The following SOCS6 variants were observed in gnomAD, a reference collection of about 807,000 sequenced individuals.
The protein encoded by SOCS6 is suppressor of cytokine signaling 6, also known as STAT induced STAT inhibitor-4.
SOCS6 carries 5 observed loss-of-function variants against 27.7 expected under a neutral mutation model. The ratio of observed to expected loss-of-function variants is 0.18; its 90% CI spans 0.09 to 0.38. SOCS6 has a LOEUF of 0.38. SOCS6 is among the 10% of genes least tolerant of loss of function. The pLI, the probability that SOCS6 is intolerant of heterozygous loss-of-function variation, is 1.00. For synonymous variants in SOCS6, 271 were observed against 260.0 expected (o/e 1.04, Z -0.41); for missense variants, 595 against 688.1 (o/e 0.86, Z 1.51).
chr18:70,325,652 A>C lies in SOCS6; in HGVS notation c.984A>C (p.Gly328=). 4.3e-6 allele frequency: 7 copies of C among 1,614,160 alleles called. No homozygotes were observed. The highest frequency in any genetic ancestry group is 5.1e-6 in the Non-Finnish European group (6 of 1,180,016). The change falls in exon 2 of 2, where the codon GGA becomes GGC. Residue 328 remains glycine, a synonymous_variant. Coordinates refer to ENST00000397942, the MANE Select transcript of SOCS6 (RefSeq NM_004232.4). This position sits in a 1 kb window ranked among gnomAD's most constrained non-coding sequence, Gnocchi z 6.3. ...QNNQIQRNFS[G]LTGTEAHVAE... ...ATCAAATCCAAAGGAACTTCAGTGG[A>C]CTCACTGGCACAGAAGCCCACGTGG...
chr18:70,304,622 A>T (rs1376916659), intron 1 of SOCS6, among the ~76,000 whole-genome samples: 37 of 152,184 alleles, frequency 2.4e-4, no homozygotes. Context: ...TCTTTTGCTC[A>T]TTTAAAAAAT....
chr18:70,294,542 G>A, intron 1 of SOCS6, among the ~76,000 whole-genome samples: 1 of 152,126 alleles, frequency 6.6e-6, no homozygotes, highest in Non-Finnish European at 1.5e-5. Context: ...GTCAAAAGTA[G>A]TATTCTGATT....
chr18:70,297,598 C>A (rs775397913), intron 1 of SOCS6, among the ~76,000 whole-genome samples: 1 of 152,100 alleles, frequency 6.6e-6, no homozygotes, highest in Non-Finnish European at 1.5e-5. Flanking sequence ...ATCAAGAGAT[C>A]GCATCTTTGG....
At chr18:70,302,796 G>T (rs2062354180) in intron 1 of SOCS6, among the ~76,000 whole-genome samples, 1 of 151,936 alleles carries the variant, frequency 6.6e-6, no homozygotes, top group Admixed American at 6.6e-5. Context: ...AGTCAGATTT[G>T]CAAAAAGTTA....
chr18:70,328,815 T>G lies in SOCS6; in HGVS notation c.*2539T>G, dbSNP rs1465299021. On this transcript the variant is annotated 3_prime_UTR_variant, in exon 2 of 2. Coordinates refer to ENST00000397942, the MANE Select transcript of SOCS6 (RefSeq NM_004232.4). Reference sequence around the variant, plus strand: ...TTGGCTTTATATGATACTAACACAGTCCAGTTAAAAGTGGAAACAGGGAAA... The same window carrying G: ...TTGGCTTTATATGATACTAACACAGGCCAGTTAAAAGTGGAAACAGGGAAA... The G allele has an allele frequency of 1.2e-5, 2 of 167,022 alleles. No homozygotes were observed. The highest frequency in any genetic ancestry group is 6.5e-5 in the Admixed American group (1 of 15,268). The allele number at this position is 167,022 out of a possible 1,614,324, so 10.3% of individuals were successfully genotyped here. A position where few individuals can be genotyped will look rare whatever the true frequency, so the allele number is the denominator to read the frequency against.
intron 1 of SOCS6, among the ~76,000 whole-genome samples, chr18:70,317,203 CT>C (rs950422003): frequency 3.3e-5 from 5 of 152,170 alleles, no homozygotes; most frequent in African/African-American, 4.8e-5. Context: ...CCCTCACCCC[CT>C]CCCACACTTT....
In SOCS6 at chr18:70,325,487, A is replaced by G. The variant is rs768908452; in HGVS notation, c.819A>G (p.Leu273=). Residue 273 remains leucine (L), a synonymous_variant, in exon 2 of 2, where the codon CTA becomes CTG. Coordinates refer to ENST00000397942, the MANE Select transcript of SOCS6 (RefSeq NM_004232.4). The surrounding 1 kb of genome is among the most constrained non-coding windows in gnomAD (Gnocchi z 6.3). ...PEDESQVDQD[L]VVAPEIFVDQ... Reference sequence around the variant, plus strand: ...ATGAGAGTCAGGTAGACCAGGACCTAGTTGTCGCCCCAGAGATCTTCGTGG... The same window carrying G: ...ATGAGAGTCAGGTAGACCAGGACCTGGTTGTCGCCCCAGAGATCTTCGTGG... The G allele has an allele frequency of 6.8e-6, 11 of 1,613,992 alleles. No individual in the cohort carries two copies. In the Admixed American group the frequency reaches 8.3e-5, roughly 12 times the overall value.
At chr18:70,299,177 A>G (rs558703280) in intron 1 of SOCS6, among the ~76,000 whole-genome samples, 18 of 152,206 alleles carry the variant, frequency 1.2e-4, no homozygotes, top group Middle Eastern at 3.4e-3. Flanking sequence ...GACCCTACCC[A>G]GAGTAAGTAC....
At chr18:70,292,741 C>G (rs1229687262) in intron 1 of SOCS6, among the ~76,000 whole-genome samples, 1 of 152,218 alleles carries the variant, frequency 6.6e-6, no homozygotes, top group East Asian at 1.9e-4. Context: ...GAGCAACCAT[C>G]TCTGCCTTAC....
rs147212624 is a variant in SOCS6, at chr18:70,330,190, G to A, written c.*3914G>A. On this transcript the variant is annotated 3_prime_UTR_variant, in exon 2 of 2. Transcript: ENST00000397942. ...ATACAGTGTGTAAATAAAAAATTTC[G>A]TTCACAAGACCTGCCTTGTAGTCTA... 538 of 166,994 alleles carry A rather than the reference G, an allele frequency of 3.2e-3. 3 individuals carry two copies. The highest frequency in any genetic ancestry group is 5.3e-3 in the Non-Finnish European group (358 of 68,070). The allele number at this position is 166,994 out of a possible 1,614,324, so 10.3% of individuals were successfully genotyped here.
At chr18:70,319,122 ATTCT>A (rs991334469) in intron 1 of SOCS6, among the ~76,000 whole-genome samples, 20 of 152,184 alleles carry the variant, frequency 1.3e-4, no homozygotes, top group Admixed American at 1.2e-3. Context: ...GGTCTGTTCT[ATTCT>A]TTCTTTTTCT....
rs966328703 is a variant in SOCS6 at position 70,310,280 on chromosome 18, GT to G, written c.-126-14249del. On this transcript the variant is annotated intron_variant, in intron 1 of 1. Coordinates refer to ENST00000397942, the MANE Select transcript of SOCS6 (RefSeq NM_004232.4). ...TTTTAAAATATAGTTTTCATAAATG[GT>G]TTTTTTTTTTTTTGAGACAGGGTCT... Among the ~76,000 whole-genome samples the G allele has an allele frequency of 3.9e-3, 451 of 116,830 alleles. 1 individual carries two copies. The highest frequency in any genetic ancestry group is 9.3e-3 in the African/African-American group (301 of 32,258). 76.6% of individuals were successfully genotyped at this position (116,830 alleles called of 152,430 possible). A position where few individuals can be genotyped will look rare whatever the true frequency, so the allele number is the denominator to read the frequency against.
At chr18:70,294,613 GTGTT>G (rs2062315426) in intron 1 of SOCS6, among the ~76,000 whole-genome samples, 2 of 152,244 alleles carry the variant, frequency 1.3e-5, no homozygotes, top group Admixed American at 6.5e-5. Flanking sequence ...TGTGGGAAAA[GTGTT>G]TGAGACCAAA....
rs572584638 is a variant in SOCS6, at chr18:70,324,170, T to C, written c.-126-373T>C. Among the ~76,000 whole-genome samples the C allele has an allele frequency of 3.9e-5, 6 of 151,996 alleles. No individual in the cohort carries two copies. In the South Asian group the frequency reaches 8.3e-4, roughly 21 times the overall value. On this transcript the variant is annotated intron_variant, in intron 1 of 1. Coordinates refer to ENST00000397942, the MANE Select transcript of SOCS6 (RefSeq NM_004232.4). ...CAAAAAACTTAGCTGAGTGTGGTGGTGGGCGTCTGTAGTCCCAGCTACTTG... is the reference window on the plus strand; with the variant it reads ...CAAAAAACTTAGCTGAGTGTGGTGGCGGGCGTCTGTAGTCCCAGCTACTTG...
At chr18:70,312,159 T>C (rs1276863660) in intron 1 of SOCS6, among the ~76,000 whole-genome samples, 1 of 152,212 alleles carries the variant, frequency 6.6e-6, no homozygotes, top group African/African-American at 2.4e-5. Context: ...AATTATTCAG[T>C]GGTGGAGCCA....
chr18:70,324,843 G>A lies in SOCS6; in HGVS notation c.175G>A (p.Glu59Lys), dbSNP rs868241462. 1 of 1,614,178 alleles carries A rather than the reference G, an allele frequency of 6.2e-7. No individual in the cohort carries two copies. The highest frequency in any genetic ancestry group is 1.6e-4 in the Middle Eastern group (1 of 6,062). Residue 59 changes from glutamate to lysine, a missense_variant, in exon 2 of 2, where the codon GAA (glutamate) becomes AAA (lysine). By Grantham distance (56) the Glu-to-Lys change is moderately conservative. Around this residue, in one of 2 missense-constraint regions of SOCS6, gnomAD observed 467 missense variants for 481.1 expected, o/e 0.97. Coordinates refer to ENST00000397942, the MANE Select transcript of SOCS6 (RefSeq NM_004232.4). ...KDMASCDING[E>K]DEKGGKNRSK... is the part of the protein sequence containing the mutation. ...TATGGCCAGCTGCGATATCAACGGTGAAGATGAAAAAGGCGGAAAAAACAG... is the reference window on the plus strand; with the variant it reads ...TATGGCCAGCTGCGATATCAACGGTAAAGATGAAAAAGGCGGAAAAAACAG...
intron 1 of SOCS6, among the ~76,000 whole-genome samples, chr18:70,321,204 G>A (rs1363408932): frequency 6.6e-6 from 1 of 151,346 alleles, no homozygotes; most frequent in Non-Finnish European, 1.5e-5. Context: ...AACCCAGGAG[G>A]TTGAGGCTGC....
At chr18:70,304,470 C>T (rs1254061326) in intron 1 of SOCS6, among the ~76,000 whole-genome samples, 1 of 152,130 alleles carries the variant, frequency 6.6e-6, no homozygotes, top group African/African-American at 2.4e-5. Flanking sequence ...CTCCCTTTGT[C>T]ATGATATTGT....
chr18:70,326,563 C>CT lies in SOCS6; in HGVS notation c.*287_*288insT, dbSNP rs547031014. The stretch of plus-strand genomic sequence containing the variant: ...ATTATCAAATTCTCCTCAATGCCCC[C>CT]CCCGCCCAGTCCTTTGCTGCTATCC... On this transcript the variant is annotated 3_prime_UTR_variant, in exon 2 of 2. Transcript: ENST00000397942. 40 of 358,000 alleles carry CT rather than the reference C, an allele frequency of 1.1e-4. No individual in the cohort carries two copies. Among genetic ancestry groups the CT allele is most frequent in the African/African-American group, 7.8e-4 (37 of 47,528 alleles). 22.2% of individuals were successfully genotyped at this position (358,000 alleles called of 1,614,324 possible). A position where few individuals can be genotyped will look rare whatever the true frequency, so the allele number is the denominator to read the frequency against.
Sources: allele counts gnomAD v4.1 joint callset (sites outside exome capture counted in the v4.1 genomes callset), GRCh38; gene constraint gnomAD v4.1.1; regional missense constraint gnomAD v4.1.1; non-coding constraint Gnocchi (gnomAD v3.1); transcripts MANE v1.5; gene names NCBI Gene and HGNC (gene_info 2026-07-23, HGNC 2026-07-21).